Variants in PTPRN2 observed in about 807,000 individuals in gnomAD.
PTPRN2 encodes protein tyrosine phosphatase receptor type N2, also known as receptor-type tyrosine-protein phosphatase N2.
PTPRN2 carries 74 observed loss-of-function variants against 118.8 expected under a neutral mutation model. The ratio of observed to expected loss-of-function variants is 0.62; its 90% CI spans 0.52 to 0.76. The LOEUF (loss-of-function observed/expected upper bound fraction) is 0.76, where lower values mean the gene tolerates loss of function less well. PTPRN2 is among the 30% of genes least tolerant of loss of function. PTPRN2 has a pLI of 0.00. For missense variants in PTPRN2, 1,481 were observed against 1,394.4 expected, an observed-to-expected ratio of 1.06 and a Z score of -0.99; for synonymous variants, 641 against 608.0, an observed-to-expected ratio of 1.05 and a Z score of -0.80.
intron 12 of PTPRN2, among the ~76,000 whole-genome samples, chr7:157,716,433 C>G (rs1469467076): frequency 9.2e-6 from 1 of 109,092 alleles, no homozygotes; most frequent in Admixed American, 8.7e-5. Context: ...GCCACGTAGA[C>G]TCTGCAGGAA....
chr7:158,333,999 C>T lies in PTPRN2; in HGVS notation c.164-17067G>A, dbSNP rs1223672671. On this transcript the variant is annotated intron_variant, in intron 2 of 22. Coordinates refer to ENST00000389418, the MANE Select transcript of PTPRN2 (RefSeq NM_002847.5). ...CACCATAAGAGCCGACACCCGCAGA[C>T]ATCACTCACACACACACGCGTCACT... Among the ~76,000 whole-genome samples the T allele has an allele frequency of 1.7e-4, 2 of 11,680 alleles. 1 individual carries two copies. The highest frequency in any genetic ancestry group is 4.9e-4 in the African/African-American group (2 of 4,048). 7.7% of individuals were successfully genotyped at this position (11,680 alleles called of 152,430 possible). A position where few individuals can be genotyped will look rare whatever the true frequency, so the allele number is the denominator to read the frequency against.
intron 15 of PTPRN2, among the ~76,000 whole-genome samples, chr7:157,614,651 C>A (rs1406518960): frequency 2.0e-5 from 3 of 152,132 alleles, no homozygotes; most frequent in Non-Finnish European, 4.4e-5. Context: ...TGTGTGACGA[C>A]CCCAACCCCC....
chr7:157,605,541 T>C (rs1462093762), intron 15 of PTPRN2, among the ~76,000 whole-genome samples: 1 of 152,226 alleles, frequency 6.6e-6, no homozygotes, highest in Non-Finnish European at 1.5e-5. Flanking sequence ...CGACAGGTCC[T>C]GAGTTCTTGT....
intron 3 of PTPRN2, among the ~76,000 whole-genome samples, chr7:158,253,877 G>A (rs12672995): frequency 0.68 from 52,266 of 76,588 alleles, 17,517 homozygotes; most frequent in African/African-American, 0.78. Flanking sequence ...GTAACTGCAC[G>A]GCGGCACAGA....
chr7:158,057,501 C>T (rs1809881909), intron 11 of PTPRN2, among the ~76,000 whole-genome samples: 2 of 152,192 alleles, frequency 1.3e-5, no homozygotes, highest in Non-Finnish European at 2.9e-5. Context: ...GCAGTCTCAC[C>T]TGCTGGCCCC....
rs1809637047 is a variant in PTPRN2, at chr7:158,367,585, C to G, written c.164-50653G>C. Among the ~76,000 whole-genome samples, 4 of 152,316 alleles carry G rather than the reference C, an allele frequency of 2.6e-5. No homozygotes were observed. In the South Asian group the frequency reaches 8.3e-4, roughly 32 times the overall value. On this transcript the variant is annotated intron_variant, in intron 2 of 22. Transcript: ENST00000389418. ...CTGCTTAATTCACCATGGGTTAGCT[C>G]TCCGCGGGCGAAGGATGACGAAATT... is the stretch of plus-strand genomic sequence containing the variant.
At chr7:157,741,496 G>T (rs1443234635) in intron 12 of PTPRN2, among the ~76,000 whole-genome samples, 1 of 152,170 alleles carries the variant, frequency 6.6e-6, no homozygotes, top group Non-Finnish European at 1.5e-5. Flanking sequence ...TGTCTAGGAT[G>T]CTTCTCCTCC....
At chr7:158,204,543 TA>T (rs937419025) in intron 4 of PTPRN2, among the ~76,000 whole-genome samples, 5 of 152,132 alleles carry the variant, frequency 3.3e-5, no homozygotes, top group African/African-American at 7.2e-5. Flanking sequence ...TGTTTTTTTT[TA>T]AAAAACATGA....
At chr7:157,669,605 G>A (rs1211206380) in intron 13 of PTPRN2, 4 of 472,980 alleles carry the variant, frequency 8.5e-6, no homozygotes, top group East Asian at 1.3e-4. Flanking sequence ...AGCCCACGAT[G>A]AGCGATGTTG....
At chr7:157,878,288 C>T (rs896757683) in intron 12 of PTPRN2, among the ~76,000 whole-genome samples, 1 of 152,160 alleles carries the variant, frequency 6.6e-6, no homozygotes, top group Non-Finnish European at 1.5e-5. Context: ...AGTGTGATAC[C>T]GTGCACCCAC....
At chr7:158,334,358 A>G (rs1166116406) in intron 2 of PTPRN2, among the ~76,000 whole-genome samples, 1 of 60,958 alleles carries the variant, frequency 1.6e-5, no homozygotes, top group Admixed American at 1.9e-4. Flanking sequence ...TCTCACCATA[A>G]GAGCTGACGC....
chr7:158,266,938 G>T (rs1489956744), intron 3 of PTPRN2, among the ~76,000 whole-genome samples: 2 of 152,158 alleles, frequency 1.3e-5, no homozygotes, highest in African/African-American at 2.4e-5. Context: ...GGGTGGCCCA[G>T]CTGCCTCCAC....
At chr7:158,451,527 G>A (rs571273238) in intron 2 of PTPRN2, among the ~76,000 whole-genome samples, 23 of 152,202 alleles carry the variant, frequency 1.5e-4, no homozygotes, top group Admixed American at 7.9e-4. Flanking sequence ...AAAGAAATTC[G>A]GTCCAGGTTC....
chr7:157,746,945 G>A (rs2150973362), intron 12 of PTPRN2, among the ~76,000 whole-genome samples: 1 of 150,910 alleles, frequency 6.6e-6, no homozygotes, highest in Admixed American at 6.6e-5. Flanking sequence ...GGCTGTCCGG[G>A]TGATTCTGAG....
At chr7:158,328,493 G>A (rs1803834547) in intron 2 of PTPRN2, among the ~76,000 whole-genome samples, 1 of 152,236 alleles carries the variant, frequency 6.6e-6, no homozygotes, top group African/African-American at 2.4e-5. Flanking sequence ...CCTGGGAGCG[G>A]CCAGCACAGC....
intron 3 of PTPRN2, among the ~76,000 whole-genome samples, chr7:158,271,904 A>T (rs1429017270): frequency 1.4e-5 from 2 of 146,468 alleles, no homozygotes; most frequent in Non-Finnish European, 3.0e-5. Flanking sequence ...GAGGATTTCC[A>T]TGTAGGAACT....
At chr7:158,292,888 T>C (rs997654545) in intron 3 of PTPRN2, among the ~76,000 whole-genome samples, 3 of 152,012 alleles carry the variant, frequency 2.0e-5, no homozygotes, top group African/African-American at 7.2e-5. Context: ...GCCAACATGG[T>C]GAAACCCTGT....
intron 1 of PTPRN2, among the ~76,000 whole-genome samples, chr7:158,491,825 T>C (rs1271560958): frequency 6.6e-6 from 1 of 152,164 alleles, no homozygotes; most frequent in Non-Finnish European, 1.5e-5. Flanking sequence ...ACCCATCAGC[T>C]AACCCCACAT....
chr7:158,146,636 G>T (rs145451561), intron 6 of PTPRN2, among the ~76,000 whole-genome samples: 1 of 149,022 alleles, frequency 6.7e-6, no homozygotes, highest in African/African-American at 2.5e-5. Context: ...CAGAAGAATG[G>T]TGTGAACCCA....
Sources: gnomAD v4.1 joint callset for allele counts (sites outside exome capture counted in the v4.1 genomes callset) on GRCh38, gnomAD v4.1.1 for gene constraint, MANE v1.5 for transcripts, NCBI Gene and HGNC (gene_info 2026-07-23, HGNC 2026-07-21) for gene names.